The following LRBA variants were observed in gnomAD, a reference collection of about 807,000 sequenced individuals.
LRBA encodes the protein lipopolysaccharide-responsive and beige-like anchor protein.
In LRBA, 176 loss-of-function variants were observed where a neutral mutation model predicts 330.0. That is an observed-to-expected ratio of 0.53 (90% CI 0.47 to 0.60). The LOEUF is 0.60. LRBA is among the 20% of genes least tolerant of loss of function. LRBA has a pLI of 0.00. For missense variants in LRBA, 3,259 were observed against 3,444.8 expected, an observed-to-expected ratio of 0.95 and a Z score of 1.35; for synonymous variants, 1,230 against 1,193.0, an observed-to-expected ratio of 1.03 and a Z score of -0.64.
chr4:150,930,182 G>T (rs111282316), intron 2 of LRBA, among the ~76,000 whole-genome samples: 31 of 152,222 alleles, frequency 2.0e-4, no homozygotes, highest in African/African-American at 7.5e-4. Flanking sequence ...GGGCGTGGTG[G>T]CATGCGCCTG....
chr4:150,811,305 T>C (rs1191671299), intron 31 of LRBA, among the ~76,000 whole-genome samples: 1 of 152,202 alleles, frequency 6.6e-6, no homozygotes, highest in Non-Finnish European at 1.5e-5. Context: ...ATTAGGATTA[T>C]TGATGGATTT....
intron 5 of LRBA, among the ~76,000 whole-genome samples, chr4:150,917,009 C>T (rs1254489118): frequency 2.0e-5 from 3 of 151,948 alleles, no homozygotes; most frequent in African/African-American, 4.8e-5. Context: ...AAAAATTAGC[C>T]GGGTACGGTG....
chr4:150,861,999 A>G (rs1752004241), intron 22 of LRBA, among the ~76,000 whole-genome samples: 1 of 151,732 alleles, frequency 6.6e-6, no homozygotes, highest in Non-Finnish European at 1.5e-5. Flanking sequence ...AAAAAAAGTT[A>G]GAATGGTGAT....
intron 47 of LRBA, among the ~76,000 whole-genome samples, chr4:150,410,525 A>G (rs1226009056): frequency 6.6e-6 from 1 of 152,162 alleles, no homozygotes; most frequent in Non-Finnish European, 1.5e-5. Context: ...GCTATAGAAC[A>G]TACACAAAAG....
At chr4:150,721,078 ATT>A (rs981257547) in intron 36 of LRBA, 1 of 576,092 alleles carries the variant, frequency 1.7e-6, no homozygotes, top group African/African-American at 1.9e-5. Context: ...AATTATGAGT[ATT>A]TGGATCATAC....
intron 37 of LRBA, among the ~76,000 whole-genome samples, chr4:150,666,383 G>A (rs1169300471): frequency 6.6e-6 from 1 of 151,988 alleles, no homozygotes; most frequent in Non-Finnish European, 1.5e-5. Flanking sequence ...ATGGTGGTGT[G>A]TGCCTGTAAT....
intron 47 of LRBA, among the ~76,000 whole-genome samples, chr4:150,353,490 T>C (rs1034624425): frequency 1.3e-5 from 2 of 152,150 alleles, no homozygotes; most frequent in African/African-American, 2.4e-5. Flanking sequence ...CTCTAAAAAC[T>C]AGGGCAATTT....
chr4:150,784,595 C>G (rs539419446), intron 34 of LRBA, among the ~76,000 whole-genome samples: 3 of 152,210 alleles, frequency 2.0e-5, no homozygotes, highest in African/African-American at 7.2e-5. Flanking sequence ...CTATGCAAAT[C>G]AGACACCACC....
chr4:150,963,594 G>C (rs928228086), intron 2 of LRBA, among the ~76,000 whole-genome samples: 2 of 149,562 alleles, frequency 1.3e-5, no homozygotes, highest in African/African-American at 5.1e-5. Flanking sequence ...TGCAGCCTCT[G>C]CCCGGCTGCC....
chr4:150,296,732 C>G (rs1418759619), intron 53 of LRBA, among the ~76,000 whole-genome samples: 1 of 151,880 alleles, frequency 6.6e-6, no homozygotes, highest in Non-Finnish European at 1.5e-5. Flanking sequence ...CATAAATTAT[C>G]AGTAATATCT....
At chr4:150,785,354 G>A (rs1738898606) in intron 34 of LRBA, among the ~76,000 whole-genome samples, 1 of 152,166 alleles carries the variant, frequency 6.6e-6, no homozygotes. Flanking sequence ...GAGAGTATTT[G>A]GAGAAGTTGC....
chr4:151,002,663 T>G (rs907572527), intron 2 of LRBA, among the ~76,000 whole-genome samples: 1 of 149,896 alleles, frequency 6.7e-6, no homozygotes, highest in Non-Finnish European at 1.5e-5. Context: ...ATTCAGAATA[T>G]GAATAACAAG....
intron 40 of LRBA, among the ~76,000 whole-genome samples, chr4:150,558,710 G>T (rs1436039600): frequency 6.6e-6 from 1 of 152,088 alleles, no homozygotes; most frequent in Non-Finnish European, 1.5e-5. Flanking sequence ...AGACACCCTG[G>T]TGAACAAAGC....
chr4:150,932,531 A>C (rs1734628807), intron 2 of LRBA, among the ~76,000 whole-genome samples: 1 of 152,212 alleles, frequency 6.6e-6, no homozygotes, highest in Admixed American at 6.5e-5. Context: ...ACAACATATA[A>C]AAATAATACA....
chr4:150,481,773 G>A (rs1757332872), intron 42 of LRBA, among the ~76,000 whole-genome samples: 1 of 151,978 alleles, frequency 6.6e-6, no homozygotes, highest in African/African-American at 2.4e-5. Flanking sequence ...TTTTATTTCT[G>A]AGTGGTATTT....
chr4:150,462,091 A>G (rs1164451185), intron 44 of LRBA, among the ~76,000 whole-genome samples: 1 of 151,810 alleles, frequency 6.6e-6, no homozygotes, highest in Non-Finnish European at 1.5e-5. Flanking sequence ...CAAAAAGAAA[A>G]TGTTGAATCT....
chr4:150,571,620 T>TGG (rs1769846500), intron 40 of LRBA, among the ~76,000 whole-genome samples: 2 of 150,802 alleles, frequency 1.3e-5, no homozygotes, highest in African/African-American at 4.9e-5. Context: ...CATTCATACC[T>TGG]TTAGTATGCA....
At chr4:150,774,978 C>A (rs1737074853) in intron 34 of LRBA, among the ~76,000 whole-genome samples, 1 of 152,214 alleles carries the variant, frequency 6.6e-6, no homozygotes, top group Non-Finnish European at 1.5e-5. Context: ...TGTCATAGAT[C>A]TGCTCCAGTC....
At chr4:150,490,157 T>C (rs1300233694) in intron 41 of LRBA, among the ~76,000 whole-genome samples, 2 of 151,672 alleles carry the variant, frequency 1.3e-5, no homozygotes, top group East Asian at 3.9e-4. Context: ...CTAAAGAAAT[T>C]TGTATTCCCT....
Sources: gnomAD v4.1 joint callset for allele counts (sites outside exome capture counted in the v4.1 genomes callset) on GRCh38, gnomAD v4.1.1 for gene constraint, MANE v1.5 for transcripts, NCBI Gene and HGNC (gene_info 2026-07-23, HGNC 2026-07-21) for gene names.